The following MCPH1 variants were observed in gnomAD, a reference collection of about 807,000 sequenced individuals.
MCPH1 encodes microcephalin 1, also known as microcephalin.
Under a neutral mutation model 84.5 loss-of-function variants are expected in MCPH1, and 104 were observed. The observed-to-expected ratio is 1.23, with a 90% CI of 1.05 to 1.45. The LOEUF (loss-of-function observed/expected upper bound fraction) is 1.45. Among genes scored for constraint, MCPH1 ranks in the 40% most tolerant of loss-of-function variants. The pLI is 0.00. For missense variants in MCPH1, 1,498 were observed against 1,005.7 expected, an observed-to-expected ratio of 1.49 and a Z score of -6.62; for synonymous variants, 514 against 366.8, an observed-to-expected ratio of 1.40 and a Z score of -4.58.
At chr8:6,419,228 T>G (rs534842353) in intron 3 of MCPH1, among the ~76,000 whole-genome samples, 1 of 151,910 alleles carries the variant, frequency 6.6e-6, no homozygotes, top group South Asian at 2.1e-4. Flanking sequence ...GTATTTGTTT[T>G]TGTTTTTTGA....
intron 12 of MCPH1, among the ~76,000 whole-genome samples, chr8:6,609,519 G>A (rs61044207): frequency 6.6e-6 from 1 of 152,204 alleles, no homozygotes; most frequent in Non-Finnish European, 1.5e-5. Context: ...TTGAGTTCCA[G>A]TGTCAGTTGT....
intron 12 of MCPH1, among the ~76,000 whole-genome samples, chr8:6,515,156 T>C (rs1168476040): frequency 6.6e-6 from 1 of 152,116 alleles, no homozygotes; most frequent in Non-Finnish European, 1.5e-5. Context: ...ATCTCCATCC[T>C]GTAGAAAACC....
chr8:6,450,317 G>C (rs955986644), intron 8 of MCPH1, among the ~76,000 whole-genome samples: 2 of 151,982 alleles, frequency 1.3e-5, no homozygotes, highest in African/African-American at 4.8e-5. Flanking sequence ...TGAAGGCCCA[G>C]TTCTCTGTCC....
chr8:6,470,626 C>T (rs1166164397), intron 9 of MCPH1, among the ~76,000 whole-genome samples: 3 of 152,230 alleles, frequency 2.0e-5, no homozygotes, highest in Non-Finnish European at 2.9e-5. Flanking sequence ...AAGATACATG[C>T]TTTATGCTTT....
chr8:6,541,853 T>A (rs1386704716), intron 12 of MCPH1, among the ~76,000 whole-genome samples: 1 of 151,800 alleles, frequency 6.6e-6, no homozygotes, highest in Non-Finnish European at 1.5e-5. Flanking sequence ...AAAATTTTTT[T>A]AAAAATTAGC....
At chr8:6,447,584 C>G (rs1054044215) in intron 8 of MCPH1, among the ~76,000 whole-genome samples, 2 of 152,176 alleles carry the variant, frequency 1.3e-5, no homozygotes, top group Non-Finnish European at 2.9e-5. Flanking sequence ...TAGTCTCGCA[C>G]TTGACGCCCA....
chr8:6,437,387 C>A (rs758993257), intron 5 of MCPH1, among the ~76,000 whole-genome samples: 2 of 152,020 alleles, frequency 1.3e-5, no homozygotes, highest in Admixed American at 6.6e-5. Context: ...CGTACCACCA[C>A]GCCCAGCTGA....
intron 13 of MCPH1, chr8:6,625,799 A>G (rs1321043440): frequency 1.4e-5 from 14 of 984,970 alleles, no homozygotes; most frequent in Non-Finnish European, 1.3e-5. Context: ...AGAAAAAAAA[A>G]AGAATCATTT....
intron 11 of MCPH1, among the ~76,000 whole-genome samples, chr8:6,494,896 T>C (rs1485224996): frequency 1.3e-5 from 2 of 152,222 alleles, no homozygotes; most frequent in Non-Finnish European, 1.5e-5. Context: ...TTGTATATTA[T>C]GCCAATTTCA....
chr8:6,555,147 C>T (rs147126927), intron 12 of MCPH1, among the ~76,000 whole-genome samples: 4 of 152,066 alleles, frequency 2.6e-5, no homozygotes, highest in Non-Finnish European at 4.4e-5. Flanking sequence ...AATCATTCAA[C>T]TTCACATCAT....
At chr8:6,604,766 A>C (rs1829627097) in intron 12 of MCPH1, among the ~76,000 whole-genome samples, 1 of 152,212 alleles carries the variant, frequency 6.6e-6, no homozygotes, top group Non-Finnish European at 1.5e-5. Context: ...CGGCCTCCCA[A>C]AGTGCTGGGA....
chr8:6,518,765 C>T (rs1196065620), intron 12 of MCPH1, among the ~76,000 whole-genome samples: 4 of 152,192 alleles, frequency 2.6e-5, no homozygotes, highest in Admixed American at 2.0e-4. Context: ...GCTGCTTTTA[C>T]ATTTATATGC....
In MCPH1 at chr8:6,450,104, A is replaced by G. The variant is rs577997872; in HGVS notation, c.1825+4557A>G. On this transcript the variant is annotated intron_variant, in intron 8 of 13. Coordinates refer to ENST00000344683, the MANE Select transcript of MCPH1 (RefSeq NM_024596.5). Reference sequence around the variant, plus strand: ...CAGCACCTTGTACATACGTGTTGTGAGCTTATCTGAGCAATTTGGTCATGT... The same window carrying G: ...CAGCACCTTGTACATACGTGTTGTGGGCTTATCTGAGCAATTTGGTCATGT... Among the ~76,000 whole-genome samples, 4 of 152,214 alleles carry G rather than the reference A, an allele frequency of 2.6e-5. No individual in the cohort carries two copies. In the South Asian group the frequency reaches 8.3e-4, roughly 32 times the overall value.
intron 12 of MCPH1, among the ~76,000 whole-genome samples, chr8:6,562,038 C>G (rs1825619792): frequency 2.0e-5 from 3 of 152,206 alleles, no homozygotes; most frequent in African/African-American, 7.2e-5. Context: ...AACTGTGCCC[C>G]TGTTTACAGA....
At chr8:6,413,373 G>C (rs191805516) in intron 2 of MCPH1, among the ~76,000 whole-genome samples, 1 of 151,078 alleles carries the variant, frequency 6.6e-6, no homozygotes, top group Admixed American at 6.6e-5. Flanking sequence ...GATAAGCTTG[G>C]TGTAGTGCTG....
rs935996442 is a variant in MCPH1 at position 6,520,059 on chromosome 8, A to G, written c.2214+20130A>G. Reference sequence around the variant, plus strand: ...AAAGACAAAGACTTGTTATTTCAAGAGCCAATCATTTGGTGAGTTTTATTA... The same window carrying G: ...AAAGACAAAGACTTGTTATTTCAAGGGCCAATCATTTGGTGAGTTTTATTA... On this transcript the variant is annotated intron_variant, in intron 12 of 13. Coordinates refer to ENST00000344683, the MANE Select transcript of MCPH1 (RefSeq NM_024596.5). The G allele has an allele frequency of 3.2e-6, 5 of 1,566,110 alleles. No individual in the cohort carries two copies. The African/African-American group carries it at 6.8e-5, about 21-fold the overall frequency.
chr8:6,575,562 C>G (rs1260924638), intron 12 of MCPH1, among the ~76,000 whole-genome samples: 1 of 152,194 alleles, frequency 6.6e-6, no homozygotes. Context: ...TGCAACTCTT[C>G]ATAAATTTGT....
At chr8:6,566,507 T>C (rs1466723709) in intron 12 of MCPH1, among the ~76,000 whole-genome samples, 1 of 152,126 alleles carries the variant, frequency 6.6e-6, no homozygotes, top group African/African-American at 2.4e-5. Context: ...CCATGGAGAG[T>C]GCACACAGTA....
At chr8:6,617,900 A>AATCTATCT (rs142071946) in intron 12 of MCPH1, among the ~76,000 whole-genome samples, 38,466 of 142,862 alleles carry the variant, frequency 0.27, 5,277 homozygotes, top group Non-Finnish European at 0.27. Flanking sequence ...CTATCTATCT[A>AATCTATCT]ATCTATCTAT....
Sources: allele counts gnomAD v4.1 joint callset (sites outside exome capture counted in the v4.1 genomes callset), GRCh38; gene constraint gnomAD v4.1.1; transcripts MANE v1.5; gene names NCBI Gene and HGNC (gene_info 2026-07-23, HGNC 2026-07-21).